Variants in FGGY observed in about 807,000 individuals in gnomAD.
FGGY encodes FGGY carbohydrate kinase domain containing.
FGGY carries 72 observed loss-of-function variants against 71.3 expected under a neutral mutation model. That is an observed-to-expected ratio of 1.01 (90% CI 0.84 to 1.23). The LOEUF is 1.23. FGGY is among the 50% of genes most tolerant of loss of function. FGGY has a pLI of 0.00. For synonymous variants in FGGY, 251 were observed against 250.3 expected (o/e 1.00, Z -0.02); for missense variants, 668 against 682.3 (o/e 0.98, Z 0.23).
At chr1:59,418,447 ACTT>A (rs1443460432) in intron 5 of FGGY, among the ~76,000 whole-genome samples, 4 of 151,992 alleles carry the variant, frequency 2.6e-5, no homozygotes, top group Admixed American at 6.6e-5. Context: ...GATTGTGAGG[ACTT>A]CAGGATTTAA....
intron 1 of FGGY, among the ~76,000 whole-genome samples, chr1:59,313,061 G>A (rs1557507804): frequency 1.3e-5 from 2 of 152,162 alleles, no homozygotes; most frequent in Admixed American, 1.3e-4. Flanking sequence ...TTCTGACCTA[G>A]TTGGTCAGAA....
intron 4 of FGGY, 21 bp downstream of exon 4, chr1:59,346,419 A>G: frequency 3.1e-6 from 5 of 1,610,228 alleles, no homozygotes; most frequent in Non-Finnish European, 4.2e-6. Context: ...AGGGTCTAAG[A>G]GAAGATACCA....
At chr1:59,312,927 A>G (rs1234680640) in intron 1 of FGGY, among the ~76,000 whole-genome samples, 1 of 152,176 alleles carries the variant, frequency 6.6e-6, no homozygotes, top group Non-Finnish European at 1.5e-5. Context: ...ATTTAAAAGG[A>G]TAGCCAACTT....
intron 11 of FGGY, among the ~76,000 whole-genome samples, chr1:59,638,954 G>T (rs1279351470): frequency 2.0e-5 from 3 of 152,170 alleles, no homozygotes; most frequent in African/African-American, 7.2e-5. Flanking sequence ...AGATGAACTT[G>T]GTGGGAGAAC....
intron 1 of FGGY, among the ~76,000 whole-genome samples, chr1:59,314,255 G>A (rs888548488): frequency 8.5e-5 from 13 of 152,226 alleles, no homozygotes; most frequent in Middle Eastern, 3.4e-3. Flanking sequence ...GTGAGCCACC[G>A]CACCTGGCCT....
intron 1 of FGGY, among the ~76,000 whole-genome samples, chr1:59,300,288 C>A (rs531685266): frequency 1.7e-4 from 26 of 152,266 alleles, no homozygotes; most frequent in African/African-American, 6.0e-4. Flanking sequence ...TTGTATACCC[C>A]CTAAGGTAAA....
intron 8 of FGGY, among the ~76,000 whole-genome samples, chr1:59,557,190 A>T (rs113120451): frequency 6.6e-6 from 1 of 152,108 alleles, no homozygotes; most frequent in African/African-American, 2.4e-5. Flanking sequence ...GGTTCTGGCA[A>T]ATAAAACCGC....
chr1:59,306,880 C>T (rs1192496149), intron 1 of FGGY, among the ~76,000 whole-genome samples: 1 of 152,182 alleles, frequency 6.6e-6, no homozygotes, highest in Non-Finnish European at 1.5e-5. Context: ...GGCTGAGCTA[C>T]ACTGAAATCC....
intron 4 of FGGY, 23 bp from the exon 5 acceptor site, chr1:59,378,726 C>A (rs1333834332): frequency 6.2e-7 from 1 of 1,603,222 alleles, no homozygotes; most frequent in Admixed American, 1.7e-5. Flanking sequence ...CTAATTGATT[C>A]TAATATATAT....
At chr1:59,616,163 G>T (rs929932180) in intron 9 of FGGY, among the ~76,000 whole-genome samples, 1 of 152,154 alleles carries the variant, frequency 6.6e-6, no homozygotes, top group African/African-American at 2.4e-5. Context: ...TATAAATCAT[G>T]CTGCTATTAG....
rs1573706522 is a variant in FGGY, at chr1:59,724,076, T to C, written c.1513-33855T>C. 4.0e-5 allele frequency among the ~76,000 whole-genome samples: 6 copies of C among 151,754 alleles called. No homozygotes were observed. The East Asian group carries it at 1.2e-3, about 30-fold the overall frequency. On this transcript the variant is annotated intron_variant, in intron 14 of 15. Coordinates refer to ENST00000303721, the MANE Select transcript of FGGY (RefSeq NM_018291.5). ...TACTCAGGAAGCTGAGGCAGGAGAATCGCTTGAACTTGGGTGGTGGAGTTT... is the reference window on the plus strand; with the variant it reads ...TACTCAGGAAGCTGAGGCAGGAGAACCGCTTGAACTTGGGTGGTGGAGTTT...
chr1:59,472,205 C>T (rs1572595825), intron 6 of FGGY, among the ~76,000 whole-genome samples: 2 of 152,138 alleles, frequency 1.3e-5, no homozygotes, highest in Admixed American at 6.5e-5. Flanking sequence ...GTGGGCTCGG[C>T]GGACCCCGCA....
intron 1 of FGGY, among the ~76,000 whole-genome samples, chr1:59,301,310 C>A (rs2042703232): frequency 6.6e-6 from 1 of 152,026 alleles, no homozygotes; most frequent in Non-Finnish European, 1.5e-5. Context: ...ATTGTGTATC[C>A]TGAAATCTTG....
chr1:59,750,262 A>G (rs1261968271), intron 14 of FGGY, among the ~76,000 whole-genome samples: 1 of 152,152 alleles, frequency 6.6e-6, no homozygotes, highest in Admixed American at 6.5e-5. Flanking sequence ...AATTTGAGGT[A>G]TGTTTTAGAG....
At chr1:59,495,599 G>A (rs2094005593) in intron 6 of FGGY, among the ~76,000 whole-genome samples, 1 of 151,858 alleles carries the variant, frequency 6.6e-6, no homozygotes, top group Non-Finnish European at 1.5e-5. Flanking sequence ...TTCTTCTAGG[G>A]TTTTTATAGT....
chr1:59,375,757 G>A (rs1198658339), intron 4 of FGGY, among the ~76,000 whole-genome samples: 17 of 152,072 alleles, frequency 1.1e-4, no homozygotes, highest in Non-Finnish European at 1.0e-4. Context: ...TTGGCAAAAG[G>A]CTTGAGTTCT....
chr1:59,322,265 C>A (rs1351652855), intron 2 of FGGY, among the ~76,000 whole-genome samples: 1 of 149,964 alleles, frequency 6.7e-6, no homozygotes, highest in East Asian at 1.9e-4. Context: ...CAGTCTGACT[C>A]CAGAGGTGCG....
intron 4 of FGGY, among the ~76,000 whole-genome samples, chr1:59,354,437 A>G (rs1413626546): frequency 6.6e-6 from 1 of 152,204 alleles, no homozygotes; most frequent in Non-Finnish European, 1.5e-5. Context: ...AACTTGCCCA[A>G]GGTCACTCAG....
At chr1:59,306,752 T>A (rs2153086460) in intron 1 of FGGY, among the ~76,000 whole-genome samples, 1 of 152,288 alleles carries the variant, frequency 6.6e-6, no homozygotes. Flanking sequence ...AATGGATATG[T>A]AGTTGGGGAA....
Sources: gnomAD v4.1 joint callset for allele counts (sites outside exome capture counted in the v4.1 genomes callset) on GRCh38, gnomAD v4.1.1 for gene constraint, MANE v1.5 for transcripts, NCBI Gene and HGNC (gene_info 2026-07-23, HGNC 2026-07-21) for gene names.